Variants in MYH10 observed in about 807,000 individuals in gnomAD.
MYH10 encodes the protein myosin-10.
Under a neutral mutation model 257.8 loss-of-function variants are expected in MYH10, and 55 were observed. The observed-to-expected ratio is 0.21, with a 90% confidence interval of 0.17 to 0.27. MYH10 has a LOEUF of 0.27. Among genes scored for constraint, MYH10 ranks in the 10% least tolerant of loss-of-function variants. The pLI is 1.00. For synonymous variants in MYH10, 854 were observed against 921.7 expected, an observed-to-expected ratio of 0.93 and a Z score of 1.33; for missense variants, 1,631 against 2,500.6, an observed-to-expected ratio of 0.65 and a Z score of 7.42.
At chr17:8,521,584 T>C (rs1184535853) in intron 17 of MYH10, 1 of 344,458 alleles carries the variant, frequency 2.9e-6, no homozygotes, top group Non-Finnish European at 5.3e-6. Context: ...ACTGTTACAT[T>C]TACAATTATT....
rs780650576 is a variant in MYH10, at chr17:8,478,367, G to A, written c.5677C>T (p.Arg1893Cys). 4 of 1,614,002 alleles carry A rather than the reference G, an allele frequency of 2.5e-6. No individual in the cohort carries two copies. The highest frequency in any genetic ancestry group is 1.7e-5 in the Admixed American group (1 of 59,992). Residue 1893 changes from arginine (R) to cysteine (C), a missense_variant, in exon 41 of 43, where the codon CGT (arginine) becomes TGT (cysteine). By Grantham distance (180) the Arg-to-Cys change is radical. This residue lies in a region of MYH10 where 343 missense variants were observed against 389.5 expected (regional missense o/e 0.88). Coordinates refer to ENST00000360416, the MANE Select transcript of MYH10 (RefSeq NM_001256012.3). ...TCTTTATACTGGTCCGCGTGTCGAC[G>A]CTCATCCTCAACCTGCATGAAGATT... Reference protein sequence around the residue: ...KEIFMQVEDERRHADQYKEQM... With the variant: ...KEIFMQVEDECRHADQYKEQM...
rs369378959 is a variant in MYH10, at chr17:8,476,754, C to T, written c.5879+122G>A. The T allele has an allele frequency of 6.7e-5, 73 of 1,096,778 alleles. 1 individual carries two copies. The highest frequency in any genetic ancestry group is 3.1e-4 in the East Asian group (12 of 38,492). 67.9% of individuals were successfully genotyped at this position (1,096,778 alleles called of 1,614,324 possible). A position where few individuals can be genotyped will look rare whatever the true frequency, so the allele number is the denominator to read the frequency against. On this transcript the variant is annotated intron_variant, in intron 42 of 42. Coordinates refer to ENST00000360416, the MANE Select transcript of MYH10 (RefSeq NM_001256012.3). ...GTCAGAAATCTTAAATGAAGTGGTTCGGGAGAAAGAATGGGTCACTGGGTA... is the reference window on the plus strand; with the variant it reads ...GTCAGAAATCTTAAATGAAGTGGTTTGGGAGAAAGAATGGGTCACTGGGTA...
At chr17:8,598,709 C>CG (rs1341923234) in intron 3 of MYH10, among the ~76,000 whole-genome samples, 2 of 92,064 alleles carry the variant, frequency 2.2e-5, no homozygotes, top group South Asian at 3.9e-4. Flanking sequence ...GCATTTTGTA[C>CG]CTTTTTTTTT....
intron 21 of MYH10, among the ~76,000 whole-genome samples, chr17:8,516,934 C>T (rs1364262898): frequency 2.6e-5 from 4 of 151,930 alleles, no homozygotes; most frequent in African/African-American, 9.7e-5. Context: ...GTCAGGAGAT[C>T]GAGACCATCC....
intron 21 of MYH10, among the ~76,000 whole-genome samples, chr17:8,515,944 A>G (rs1280867548): frequency 2.0e-5 from 3 of 152,202 alleles, no homozygotes; most frequent in Non-Finnish European, 4.4e-5. Flanking sequence ...AATTCTTGCA[A>G]TCTCCTTCAG....
rs568573580 is a variant in MYH10 at position 8,619,879 on chromosome 17, C to T, written c.345+3023G>A. 1.3e-3 allele frequency among the ~76,000 whole-genome samples: 197 copies of T among 152,050 alleles called. 1 individual carries two copies. The highest frequency in any genetic ancestry group is 4.5e-3 in the African/African-American group (185 of 41,454). The stretch of plus-strand genomic sequence containing the variant: ...GGCGGAGGTTGCGATGAGCCGAGAT[C>T]GCACCACTACACTCCAGCCTGGGCG... On this transcript the variant is annotated intron_variant, in intron 2 of 42. Coordinates refer to ENST00000360416, the MANE Select transcript of MYH10 (RefSeq NM_001256012.3).
chr17:8,540,664 T>A (rs997531348), intron 14 of MYH10, among the ~76,000 whole-genome samples: 1 of 152,172 alleles, frequency 6.6e-6, no homozygotes, highest in Non-Finnish European at 1.5e-5. Flanking sequence ...AAAATAAAAC[T>A]GCAGGTACAT....
chr17:8,610,643 A>G (rs1422651622), intron 2 of MYH10, among the ~76,000 whole-genome samples: 1 of 152,158 alleles, frequency 6.6e-6, no homozygotes, highest in Non-Finnish European at 1.5e-5. Context: ...TGCCAATTAT[A>G]AAAGGGCTTG....
intron 21 of MYH10, among the ~76,000 whole-genome samples, chr17:8,515,105 T>G (rs1233070822): frequency 2.0e-5 from 3 of 152,158 alleles, no homozygotes; most frequent in Non-Finnish European, 2.9e-5. Context: ...ACCGACAGAC[T>G]CCAGGCCTCC....
intron 7 of MYH10, among the ~76,000 whole-genome samples, chr17:8,555,485 GTAAGT>G (rs1351577166): frequency 6.6e-6 from 1 of 152,188 alleles, no homozygotes; most frequent in Non-Finnish European, 1.5e-5. Context: ...GATCATGTAT[GTAAGT>G]TAATTCATTT....
Position 8,477,790 on chromosome 17 carries a change from G to A in MYH10, c.5706+548C>T, listed in dbSNP as rs557527158. Among the ~76,000 whole-genome samples, 496 of 152,290 alleles carry A rather than the reference G, an allele frequency of 3.3e-3. 6 individuals are homozygous for A. Among genetic ancestry groups the A allele is most frequent in the Non-Finnish European group, 1.1e-3 (74 of 68,026 alleles). ...TCTCACCAGGCAGAGGGCAGGGAGC[G>A]GGAGGGAGGGTATAGCTGCCCACGC... On this transcript the variant is annotated intron_variant, in intron 41 of 42. Transcript: ENST00000360416. The surrounding 1 kb of genome is among the most constrained non-coding windows in gnomAD (Gnocchi z 4.2).
chr17:8,521,672 G>A lies in MYH10; in HGVS notation c.1958-387C>T, dbSNP rs568476120. ...GTGAAAGGCCTCCAAATAGGAAATG[G>A]CTCATAAAAATATATATAAGAATAT... is the stretch of plus-strand genomic sequence containing the variant. On this transcript the variant is annotated intron_variant, in intron 17 of 42. Coordinates refer to ENST00000360416, the MANE Select transcript of MYH10 (RefSeq NM_001256012.3). Among the ~76,000 whole-genome samples the A allele has an allele frequency of 4.6e-5, 7 of 152,300 alleles. No individual in the cohort carries two copies. In the South Asian group the frequency reaches 1.4e-3, roughly 32 times the overall value.
At chr17:8,479,631 C>T (rs1424948204) in intron 40 of MYH10, among the ~76,000 whole-genome samples, 1 of 152,198 alleles carries the variant, frequency 6.6e-6, no homozygotes, top group Non-Finnish European at 1.5e-5. Flanking sequence ...GGCGCTATGA[C>T]CTAATAGCTT....
intron 35 of MYH10, 93 bp from the exon 36 acceptor site, chr17:8,487,687 G>A (rs1915099789): frequency 6.2e-6 from 9 of 1,442,378 alleles, no homozygotes; most frequent in Admixed American, 3.6e-5. Context: ...CTGGTTACTC[G>A]GGTGAGTGGA....
intron 35 of MYH10, among the ~76,000 whole-genome samples, chr17:8,488,969 G>A (rs1308657032): frequency 6.6e-6 from 1 of 152,094 alleles, no homozygotes; most frequent in African/African-American, 2.4e-5. Context: ...TTGAATGTGG[G>A]CCAGACTTAG....
At chr17:8,536,651 T>C (rs1427242199) in intron 14 of MYH10, among the ~76,000 whole-genome samples, 1 of 152,026 alleles carries the variant, frequency 6.6e-6, no homozygotes, top group East Asian at 1.9e-4. Flanking sequence ...ATACAAAAAT[T>C]AGCTGGGTGT....
At position 8,577,289 on chromosome 17, in the gene MYH10, A is replaced by G; in HGVS notation, c.580T>C (p.Tyr194His). 1 of 1,612,732 alleles carries G rather than the reference A, an allele frequency of 6.2e-7. No individual in the cohort carries two copies. The change falls in exon 5 of 43, where the codon TAC becomes CAC. Residue 194 changes from tyrosine (Y) to histidine (H), a missense_variant. By Grantham distance (83) the Tyr-to-His change is moderately conservative. This residue lies in a region of MYH10 where 360 missense variants were observed against 581.9 expected (regional missense o/e 0.62). Coordinates refer to ENST00000360416, the MANE Select transcript of MYH10 (RefSeq NM_001256012.3). ...KTENTKKVIQ[Y>H]LAHVASSHKG... ...TGTGAAGAAGCAACATGGGCAAGGT[A>G]CTGAATAACTTTCTTTGTATTTTCT...
At chr17:8,621,219 G>A (rs2085455357) in intron 2 of MYH10, among the ~76,000 whole-genome samples, 1 of 152,120 alleles carries the variant, frequency 6.6e-6, no homozygotes, top group African/African-American at 2.4e-5. Context: ...GGCTTCATCT[G>A]AAACTGATCA....
intron 6 of MYH10, among the ~76,000 whole-genome samples, chr17:8,571,638 C>T (rs1340923511): frequency 1.3e-5 from 2 of 151,240 alleles, no homozygotes; most frequent in African/African-American, 2.4e-5. Context: ...AAAAATTAGC[C>T]GGGTGTGGTG....
Sources: allele counts gnomAD v4.1 joint callset (sites outside exome capture counted in the v4.1 genomes callset), GRCh38; gene constraint gnomAD v4.1.1; regional missense constraint gnomAD v4.1.1; non-coding constraint Gnocchi (gnomAD v3.1); transcripts MANE v1.5; gene names NCBI Gene and HGNC (gene_info 2026-07-23, HGNC 2026-07-21).